DSCAML1: variants seen among roughly 807,000 people sequenced by gnomAD.
DSCAML1 encodes DS cell adhesion molecule like 1, also known as cell adhesion molecule DSCAML1.
In DSCAML1, 38 loss-of-function variants were observed where a neutral mutation model predicts 200.5. The ratio of observed to expected loss-of-function variants is 0.19; its 90% CI spans 0.15 to 0.25. DSCAML1 has a LOEUF of 0.25. Ranked by LOEUF, DSCAML1 falls within the 10% of genes least tolerant of loss-of-function variation. The pLI is 1.00. For missense variants in DSCAML1, 2,223 were observed against 2,858.8 expected, an observed-to-expected ratio of 0.78 and a Z score of 5.07; for synonymous variants, 1,215 against 1,165.0, an observed-to-expected ratio of 1.04 and a Z score of -0.87.
intron 3 of DSCAML1, among the ~76,000 whole-genome samples, chr11:117,728,258 A>C (rs970226943): frequency 3.3e-5 from 5 of 152,228 alleles, no homozygotes; most frequent in African/African-American, 1.2e-4. Context: ...ACTCAACATA[A>C]TTAGGAATAG....
intron 3 of DSCAML1, among the ~76,000 whole-genome samples, chr11:117,701,320 T>C (rs900036618): frequency 1.3e-5 from 2 of 152,016 alleles, no homozygotes; most frequent in Non-Finnish European, 2.9e-5. Context: ...GAGAGGCAAC[T>C]GGGGGGCAGG....
intron 3 of DSCAML1, among the ~76,000 whole-genome samples, chr11:117,622,821 G>T (rs1465963246): frequency 2.6e-5 from 4 of 152,176 alleles, no homozygotes; most frequent in African/African-American, 9.7e-5. Context: ...CATTTCCCAT[G>T]CTGCACTTCT....
intron 3 of DSCAML1, among the ~76,000 whole-genome samples, chr11:117,581,855 T>A (rs1391123066): frequency 6.6e-6 from 1 of 152,168 alleles, no homozygotes; most frequent in East Asian, 1.9e-4. Context: ...TCAGCAAATT[T>A]ACTCAATTGT....
intron 3 of DSCAML1, among the ~76,000 whole-genome samples, chr11:117,652,893 T>C (rs568310719): frequency 1.3e-5 from 2 of 152,212 alleles, no homozygotes; most frequent in African/African-American, 4.8e-5. Flanking sequence ...TCTCCTTCTT[T>C]CTCAATTTTC....
At chr11:117,762,248 C>T (rs981228838) in intron 3 of DSCAML1, among the ~76,000 whole-genome samples, 1 of 152,178 alleles carries the variant, frequency 6.6e-6, no homozygotes, top group Non-Finnish European at 1.5e-5. Flanking sequence ...TTATTTATCT[C>T]GTTCTGGTCT....
intron 3 of DSCAML1, among the ~76,000 whole-genome samples, chr11:117,641,471 C>T (rs1026347037): frequency 5.3e-5 from 8 of 152,310 alleles, no homozygotes; most frequent in East Asian, 1.9e-4. Context: ...CGAACAGATG[C>T]GCACACTGCC....
chr11:117,815,160 T>TG (rs1479499791), intron 1 of DSCAML1, among the ~76,000 whole-genome samples: 1 of 152,096 alleles, frequency 6.6e-6, no homozygotes, highest in East Asian at 1.9e-4. Context: ...GCAGGGGCTG[T>TG]GGGGGTGTAT....
Position 117,450,537 on chromosome 11 carries a change from G to T in DSCAML1, c.3708+12C>A, listed in dbSNP as rs748596784. 5 of 1,613,402 alleles carry T rather than the reference G, an allele frequency of 3.1e-6. 1 individual carries two copies. In the South Asian group the frequency reaches 5.5e-5, roughly 18 times the overall value. ...TCCATCCCCTTCATCATCTGGCCCT[G>T]AACTCACTTACCGGCTGGCCAGACC... is the stretch of plus-strand genomic sequence containing the variant. On this transcript the variant is annotated intron_variant, in intron 20 of 32. Transcript: ENST00000651296.
intron 3 of DSCAML1, among the ~76,000 whole-genome samples, chr11:117,728,433 C>T (rs1052748263): frequency 3.6e-4 from 55 of 151,980 alleles, no homozygotes; most frequent in African/African-American, 1.0e-3. Flanking sequence ...AGGTTCTCAC[C>T]GGGGCAATTA....
At chr11:117,734,443 A>C (rs549634612) in intron 3 of DSCAML1, among the ~76,000 whole-genome samples, 1 of 152,310 alleles carries the variant, frequency 6.6e-6, no homozygotes, top group Non-Finnish European at 1.5e-5. Context: ...CTTCCCCAAC[A>C]CTGGCTTCCC....
chr11:117,567,821 T>A (rs1015229074), intron 3 of DSCAML1, among the ~76,000 whole-genome samples: 1 of 152,086 alleles, frequency 6.6e-6, no homozygotes, highest in Non-Finnish European at 1.5e-5. Flanking sequence ...CCATTCCTTC[T>A]GAAACTATTC....
intron 1 of DSCAML1, among the ~76,000 whole-genome samples, chr11:117,816,808 G>GCGC (rs140947261): frequency 7.8e-6 from 1 of 128,110 alleles, no homozygotes; most frequent in Non-Finnish European, 1.8e-5. Context: ...TGGGGGGGTG[G>GCGC]GGTGGAGATT....
chr11:117,458,586 G>A (rs966878075), intron 19 of DSCAML1, among the ~76,000 whole-genome samples, 168 bp downstream of exon 19: 7 of 152,038 alleles, frequency 4.6e-5, no homozygotes, highest in East Asian at 1.9e-4. Context: ...ATCTGCTCAC[G>A]CATGAATCCT....
Position 117,577,458 on chromosome 11 carries a change from TTTCCTTCCTTCCTTCCTTCC to T in DSCAML1, c.512-44956_512-44937del, listed in dbSNP as rs1182143268. On this transcript the variant is annotated intron_variant, in intron 3 of 32. Coordinates refer to ENST00000651296, the MANE Select transcript of DSCAML1 (RefSeq NM_020693.4). ...CTTCTTTCCTTCCTTCCTTCCTTCCTTTCCTTCCTTCCTTCCTTCCTTCCTTCCTTCCTTCCTTCCTTCCT... is the reference window on the plus strand; with the variant it reads ...CTTCTTTCCTTCCTTCCTTCCTTCCTTTCCTTCCTTCCTTCCTTCCTTCCT... Among the ~76,000 whole-genome samples the T allele has an allele frequency of 1.2e-4, 7 of 57,384 alleles. 1 individual carries two copies. Among genetic ancestry groups the T allele is most frequent in the South Asian group, 1.0e-3 (1 of 996 alleles). 37.6% of individuals were successfully genotyped at this position (57,384 alleles called of 152,430 possible).
At chr11:117,486,384 C>T (rs1169111399) in intron 11 of DSCAML1, among the ~76,000 whole-genome samples, 2 of 150,608 alleles carry the variant, frequency 1.3e-5, no homozygotes, top group Non-Finnish European at 3.0e-5. Flanking sequence ...GTGAAAATGG[C>T]GGATGTGAAA....
chr11:117,721,742 A>C lies in DSCAML1; in HGVS notation c.511+55049T>G, dbSNP rs2054044920. Among the ~76,000 whole-genome samples the C allele has an allele frequency of 4.1e-5, 6 of 147,732 alleles. No individual in the cohort carries two copies. In the South Asian group the frequency reaches 1.3e-3, roughly 31 times the overall value. On this transcript the variant is annotated intron_variant, in intron 3 of 32. Coordinates refer to ENST00000651296, the MANE Select transcript of DSCAML1 (RefSeq NM_020693.4). ...TATCATATATCATATATAAATATAT[A>C]TCATATATAAATACATCATATAGAA...
At position 117,699,643 on chromosome 11, in the gene DSCAML1, T is replaced by G. The variant is rs534413084; in HGVS notation, c.511+77148A>C. On this transcript the variant is annotated intron_variant, in intron 3 of 32. Coordinates refer to ENST00000651296, the MANE Select transcript of DSCAML1 (RefSeq NM_020693.4). ...AGCTCTCAGGTTGCTCCCCACTGAC[T>G]AGTGAGTGCCCAGAGGCACAGAGCC... Among the ~76,000 whole-genome samples, 47 of 152,170 alleles carry G rather than the reference T, an allele frequency of 3.1e-4. 1 individual carries two copies. The South Asian group carries it at 6.1e-3, about 20-fold the overall frequency.
At chr11:117,729,412 A>T (rs766975822) in intron 3 of DSCAML1, among the ~76,000 whole-genome samples, 1 of 152,218 alleles carries the variant, frequency 6.6e-6, no homozygotes, top group Non-Finnish European at 1.5e-5. Flanking sequence ...AAAGAAAAAA[A>T]ATGGGTACAT....
chr11:117,481,585 A>AGGGG (rs1427595957), intron 12 of DSCAML1, among the ~76,000 whole-genome samples: 2 of 8,658 alleles, frequency 2.3e-4, no homozygotes, highest in African/African-American at 1.2e-3. Flanking sequence ...GGAGGGGCTG[A>AGGGG]GGGGGGGGTC....
Sources: gnomAD v4.1 joint callset for allele counts (sites outside exome capture counted in the v4.1 genomes callset) on GRCh38, gnomAD v4.1.1 for gene constraint, MANE v1.5 for transcripts, NCBI Gene and HGNC (gene_info 2026-07-23, HGNC 2026-07-21) for gene names.